Variants in SYCP1 observed in about 807,000 individuals in gnomAD.
SYCP1 encodes cancer/testis antigen 8.
Under a neutral mutation model 153.1 loss-of-function variants are expected in SYCP1, and 64 were observed. The ratio of observed to expected loss-of-function variants is 0.42; its 90% CI spans 0.34 to 0.51. The LOEUF is 0.51. SYCP1 is among the 20% of genes least tolerant of loss of function. The pLI is 0.06. For missense variants in SYCP1, 997 were observed against 1,049.0 expected (o/e 0.95, Z 0.68); for synonymous variants, 384 against 341.8 (o/e 1.12, Z -1.36).
chr1:114,885,678 C>A, intron 13 of SYCP1, 49 bp downstream of exon 13: 1 of 1,074,522 alleles, frequency 9.3e-7, no homozygotes, highest in South Asian at 1.5e-5. Flanking sequence ...CCCTATCAAT[C>A]AGTCAACAAA....
At chr1:114,967,394 T>C (rs1672199139) in intron 27 of SYCP1, among the ~76,000 whole-genome samples, 1 of 152,230 alleles carries the variant, frequency 6.6e-6, no homozygotes, top group Non-Finnish European at 1.5e-5. Flanking sequence ...AGTTAGCTCT[T>C]CTTGTTGCAT....
intron 30 of SYCP1, among the ~76,000 whole-genome samples, chr1:114,991,864 C>T (rs1451080697): frequency 6.6e-6 from 1 of 151,726 alleles, no homozygotes; most frequent in African/African-American, 2.4e-5. Context: ...GTAAAACTGC[C>T]TCTCTTCACA....
intron 15 of SYCP1, 28 bp downstream of exon 15, chr1:114,887,721 T>G: frequency 7.5e-7 from 1 of 1,337,356 alleles, no homozygotes; most frequent in Non-Finnish European, 1.0e-6. Flanking sequence ...ATGTGTGTAC[T>G]TTAATAATAT....
In SYCP1 at chr1:114,900,345, A is replaced by T. The variant is rs559999120; in HGVS notation, c.1320+4836A>T. 1.4e-3 allele frequency among the ~76,000 whole-genome samples: 209 copies of T among 151,950 alleles called. 2 individuals are homozygous for T. Among genetic ancestry groups the T allele is most frequent in the African/African-American group, 4.9e-3 (201 of 41,436 alleles). On this transcript the variant is annotated intron_variant, in intron 16 of 31. Coordinates refer to ENST00000369522, the MANE Select transcript of SYCP1 (RefSeq NM_003176.4). ...ACCCAGGCTGGAGTGCGGTGGCGTGATCTCAGCTCACTGCAACCTCTGCCT... is the reference window on the plus strand; with the variant it reads ...ACCCAGGCTGGAGTGCGGTGGCGTGTTCTCAGCTCACTGCAACCTCTGCCT...
intron 27 of SYCP1, among the ~76,000 whole-genome samples, chr1:114,971,456 C>G (rs1305903664): frequency 6.6e-6 from 1 of 152,180 alleles, no homozygotes; most frequent in African/African-American, 2.4e-5. Context: ...TCCCTCTGTA[C>G]TCCCACAACA....
chr1:114,925,645 T>C (rs961607443), intron 21 of SYCP1, among the ~76,000 whole-genome samples: 40 of 152,124 alleles, frequency 2.6e-4, no homozygotes, highest in African/African-American at 9.7e-4. Context: ...CAAATGGAGA[T>C]AATACCGATC....
intron 23 of SYCP1, among the ~76,000 whole-genome samples, chr1:114,930,474 C>A (rs1669553751): frequency 6.6e-6 from 1 of 151,752 alleles, no homozygotes; most frequent in East Asian, 1.9e-4. Flanking sequence ...TGAAAGAGTA[C>A]ATAATTAGCA....
At chr1:114,863,191 A>G (rs1249391561) in intron 8 of SYCP1, 2 of 152,184 alleles carry the variant, frequency 1.3e-5, no homozygotes, top group African/African-American at 2.4e-5. Flanking sequence ...TTCTGGTTCT[A>G]TTTCCTTGAG....
intron 12 of SYCP1, among the ~76,000 whole-genome samples, chr1:114,878,896 T>C (rs889425713): frequency 6.6e-6 from 1 of 152,188 alleles, no homozygotes; most frequent in African/African-American, 2.4e-5. Context: ...AGAGAGTTAC[T>C]AATTTTTCCC....
intron 23 of SYCP1, among the ~76,000 whole-genome samples, chr1:114,935,862 T>C (rs896257524): frequency 2.0e-5 from 3 of 152,082 alleles, no homozygotes; most frequent in Non-Finnish European, 4.4e-5. Context: ...AGGAAGAAGT[T>C]GAATCACTGA....
At chr1:114,881,149 G>C (rs1332740735) in intron 12 of SYCP1, among the ~76,000 whole-genome samples, 4 of 151,276 alleles carry the variant, frequency 2.6e-5, no homozygotes, top group Admixed American at 6.6e-5. Flanking sequence ...TATTGCTATT[G>C]TGAATAGTGC....
chr1:114,993,952 T>A (rs1674096889), intron 30 of SYCP1, among the ~76,000 whole-genome samples: 1 of 151,404 alleles, frequency 6.6e-6, no homozygotes. Context: ...ACACTAAATA[T>A]CTCATATAAG....
chr1:114,868,831 G>C (rs1336393594), intron 8 of SYCP1, among the ~76,000 whole-genome samples: 1 of 152,156 alleles, frequency 6.6e-6, no homozygotes, highest in African/African-American at 2.4e-5. Flanking sequence ...AAACCTGTGG[G>C]CATAGAATTG....
chr1:114,973,355 C>A (rs976716732), intron 27 of SYCP1, among the ~76,000 whole-genome samples: 2 of 151,890 alleles, frequency 1.3e-5, no homozygotes, highest in East Asian at 3.9e-4. Context: ...CGAGAGAGAC[C>A]AAAATATAAA....
chr1:114,966,570 A>G (rs1672141666), intron 27 of SYCP1, among the ~76,000 whole-genome samples: 2 of 151,922 alleles, frequency 1.3e-5, no homozygotes, highest in South Asian at 2.1e-4. Flanking sequence ...GTTTTAAAGA[A>G]CTTATTTAGT....
chr1:114,919,721 A>C (rs909796834), intron 20 of SYCP1, among the ~76,000 whole-genome samples: 1 of 151,876 alleles, frequency 6.6e-6, no homozygotes, highest in Non-Finnish European at 1.5e-5. Flanking sequence ...TCATGGTTCA[A>C]TTTTGGAGGG....
At chr1:114,980,411 C>T (rs566917954) in intron 28 of SYCP1, among the ~76,000 whole-genome samples, 7 of 151,826 alleles carry the variant, frequency 4.6e-5, no homozygotes, top group Non-Finnish European at 8.8e-5. Context: ...GAAAAAATGT[C>T]AAGTATTTAG....
At chr1:114,854,417 C>A (rs1472887614), upstream of SYCP1, among the ~76,000 whole-genome samples, 2 of 152,072 alleles carry the variant, frequency 1.3e-5, no homozygotes, top group East Asian at 1.9e-4. Flanking sequence ...GGATTACAGG[C>A]GTGAGCCACC....
At position 114,937,015 on chromosome 1, in the gene SYCP1, C is replaced by G. The variant is rs530614710; in HGVS notation, c.1927-7324C>G. ...ATGCCATCCCCATCAAGCTACCAAT[C>G]ACTTTCTTCACAGAATTGGAAAAAA... On this transcript the variant is annotated intron_variant, in intron 23 of 31. Transcript: ENST00000369522. 1.1e-3 allele frequency among the ~76,000 whole-genome samples: 163 copies of G among 152,172 alleles called. 2 individuals carry two copies. The highest frequency in any genetic ancestry group is 3.6e-3 in the African/African-American group (151 of 41,546).
Sources: allele counts gnomAD v4.1 joint callset (sites outside exome capture counted in the v4.1 genomes callset), GRCh38; gene constraint gnomAD v4.1.1; transcripts MANE v1.5; gene names NCBI Gene and HGNC (gene_info 2026-07-23, HGNC 2026-07-21).